SCNN1B: variants seen among roughly 807,000 people sequenced by gnomAD.
The protein encoded by SCNN1B is sodium channel epithelial 1 subunit beta, also known as epithelial sodium channel subunit beta.
Under a neutral mutation model 65.3 loss-of-function variants are expected in SCNN1B, and 46 were observed. The observed-to-expected ratio is 0.70, with a 90% CI of 0.56 to 0.90. The LOEUF is 0.90. SCNN1B is among the 40% of genes least tolerant of loss of function. The pLI is 0.00. For synonymous variants in SCNN1B, 349 were observed against 330.6 expected, an observed-to-expected ratio of 1.06 and a Z score of -0.60; for missense variants, 751 against 830.5, an observed-to-expected ratio of 0.90 and a Z score of 1.18.
chr16:23,290,434 A>G (rs946451175), intron 2 of SCNN1B, among the ~76,000 whole-genome samples: 2 of 152,102 alleles, frequency 1.3e-5, no homozygotes, highest in Non-Finnish European at 2.9e-5. Context: ...CAGCCTCCCG[A>G]GTAGCTGGGA....
chr16:23,317,343 T>G (rs2056897088), intron 1 of SCNN1B, among the ~76,000 whole-genome samples: 1 of 152,144 alleles, frequency 6.6e-6, no homozygotes, highest in Non-Finnish European at 1.5e-5. Flanking sequence ...ACTCAGGGTG[T>G]CTGGTTGGTA....
chr16:23,380,296 C>A lies in SCNN1B; in HGVS notation c.1543-125C>A, dbSNP rs1248411687. ...ATCCCTAAGACAGTCCCAAGTTATT[C>A]CCCTGGGCCAAGATGGTCACCCCCT... is the stretch of plus-strand genomic sequence containing the variant. On this transcript the variant is annotated intron_variant, in intron 12 of 12. Coordinates refer to ENST00000343070, the MANE Select transcript of SCNN1B (RefSeq NM_000336.3). The surrounding 1 kb of genome is among the most constrained non-coding windows in gnomAD (Gnocchi z 5.4). 6.6e-7 allele frequency: 1 copy of A among 1,519,306 alleles called. No individual in the cohort carries two copies. Among genetic ancestry groups the A allele is most frequent in the Non-Finnish European group, 9.1e-7 (1 of 1,096,738 alleles). The allele number at this position is 1,519,306 out of a possible 1,614,324, so 94.1% of individuals were successfully genotyped here.
At chr16:23,364,369 A>G (rs1596875692) in intron 4 of SCNN1B, among the ~76,000 whole-genome samples, 1 of 152,314 alleles carries the variant, frequency 6.6e-6, no homozygotes, top group Non-Finnish European at 1.5e-5. Context: ...TGGTTAGAGA[A>G]TATTCCAGGC....
chr16:23,360,591 G>GTGGT (rs1962529166), intron 4 of SCNN1B, among the ~76,000 whole-genome samples: 1 of 95,262 alleles, frequency 1.0e-5, no homozygotes, highest in African/African-American at 4.1e-5. Context: ...GGTGGTGGTG[G>GTGGT]TTTTTTTTTT....
At chr16:23,343,205 A>G (rs1334101696) in intron 1 of SCNN1B, among the ~76,000 whole-genome samples, 3 of 152,158 alleles carry the variant, frequency 2.0e-5, no homozygotes, top group African/African-American at 7.2e-5. Context: ...CTGTAATCCC[A>G]GCGCTTTGGG....
chr16:23,303,962 T>G, intron 1 of SCNN1B: 1 of 885,732 alleles, frequency 1.1e-6, no homozygotes. Context: ...CCCACCTATG[T>G]CATTCTGCAA....
In SCNN1B at chr16:23,348,855, G is replaced by A. The variant is rs781393829; in HGVS notation, c.256G>A (p.Gly86Ser). Residue 86 changes from glycine (G) to serine (S), a missense_variant, in exon 2 of 13, where the codon GGC (glycine) becomes AGC (serine). Physicochemically the swap from Gly to Ser is moderately conservative, Grantham distance 56. Coordinates refer to ENST00000343070, the MANE Select transcript of SCNN1B (RefSeq NM_000336.3). The surrounding 1 kb of genome is among the most constrained non-coding windows in gnomAD (Gnocchi z 4.5). ...GGAGGTCAGCGTCTCCCTCTCCGTA[G>A]GCTTCAAGACCATGGACTTCCCTGC... ...SWEVSVSLSV[G>S]FKTMDFPAVT... The A allele has an allele frequency of 6.2e-7, 1 of 1,614,036 alleles. No homozygotes were observed. The highest frequency in any genetic ancestry group is 2.2e-5 in the East Asian group (1 of 44,870).
chr16:23,359,634 C>T (rs536976168), intron 4 of SCNN1B, among the ~76,000 whole-genome samples: 2 of 152,252 alleles, frequency 1.3e-5, no homozygotes, highest in East Asian at 1.9e-4. Flanking sequence ...ATCCTGTCCC[C>T]CTCCTAACAT....
At chr16:23,352,088 A>G (rs576744607) in intron 2 of SCNN1B, among the ~76,000 whole-genome samples, 4 of 152,246 alleles carry the variant, frequency 2.6e-5, no homozygotes, top group Non-Finnish European at 4.4e-5. Flanking sequence ...ATGGTAAGCT[A>G]TCAATAACCA....
rs1277304359 is a variant in SCNN1B, at chr16:23,337,598, G to A, written c.-8-10994G>A. On this transcript the variant is annotated intron_variant, in intron 1 of 12. Transcript: ENST00000343070. ...TCACCATGTTGACCAGGCTGGTCTC[G>A]AATTCCTGACCTCAGGTGATCCACT... is the stretch of plus-strand genomic sequence containing the variant. Among the ~76,000 whole-genome samples the A allele has an allele frequency of 5.9e-5, 9 of 151,756 alleles. 1 individual carries two copies. Among genetic ancestry groups the A allele is most frequent in the Admixed American group, 2.6e-4 (4 of 15,222 alleles).
intron 5 of SCNN1B, among the ~76,000 whole-genome samples, chr16:23,368,322 CA>C (rs1227626689): frequency 1.3e-5 from 2 of 152,048 alleles, no homozygotes; most frequent in African/African-American, 2.4e-5. Context: ...GAGGATTGTT[CA>C]AGCCCAAGAG....
chr16:23,317,561 T>C (rs751017580), intron 1 of SCNN1B, among the ~76,000 whole-genome samples: 2 of 151,998 alleles, frequency 1.3e-5, no homozygotes, highest in Non-Finnish European at 2.9e-5. Flanking sequence ...GCCAATCCGG[T>C]CTGAGAGAGA....
intron 1 of SCNN1B, among the ~76,000 whole-genome samples, chr16:23,324,656 G>A (rs1242533698): frequency 6.6e-6 from 1 of 151,956 alleles, no homozygotes; most frequent in Non-Finnish European, 1.5e-5. Context: ...ATTCCCAATG[G>A]AACAACCACC....
chr16:23,339,424 TA>T lies in SCNN1B; in HGVS notation c.-8-9165del, dbSNP rs762962558. Among the ~76,000 whole-genome samples the T allele has an allele frequency of 5.6e-5, 8 of 141,664 alleles. No individual in the cohort carries two copies. In the East Asian group the frequency reaches 6.2e-4, roughly 11 times the overall value. 92.9% of individuals were successfully genotyped at this position (141,664 alleles called of 152,430 possible). ...AACTGTTCATTTAACTTTTTTTTTT[TA>T]AATATAGAGACAGGGTCTTACTATG... On this transcript the variant is annotated intron_variant, in intron 1 of 12. Coordinates refer to ENST00000343070, the MANE Select transcript of SCNN1B (RefSeq NM_000336.3).
upstream of SCNN1B, among the ~76,000 whole-genome samples, chr16:23,300,712 A>C (rs1179720703): frequency 6.6e-6 from 1 of 152,142 alleles, no homozygotes; most frequent in Non-Finnish European, 1.5e-5. Flanking sequence ...GCAGTGGCAC[A>C]CACACCTTGT....
chr16:23,374,268 G>GAAAAAAAAAAAAA (rs1223701346), intron 7 of SCNN1B, among the ~76,000 whole-genome samples: 2 of 60,456 alleles, frequency 3.3e-5, no homozygotes, highest in African/African-American at 1.1e-4. Context: ...CCTGTCTCAG[G>GAAAAAAAAAAAAA]AAAAAAAAAA....
intron 1 of SCNN1B, among the ~76,000 whole-genome samples, chr16:23,318,791 G>A (rs142974785): frequency 5.4e-4 from 82 of 152,294 alleles, no homozygotes; most frequent in African/African-American, 1.6e-3. Context: ...AAGGTGGGGC[G>A]CAGAGTCACC....
chr16:23,340,353 A>C (rs1293468604), intron 1 of SCNN1B, among the ~76,000 whole-genome samples: 3 of 152,150 alleles, frequency 2.0e-5, no homozygotes, highest in African/African-American at 7.2e-5. Flanking sequence ...CTATCTGAAG[A>C]TCTTTGCATA....
intron 6 of SCNN1B, 28 bp downstream of exon 6, chr16:23,371,490 A>T (rs376946526): frequency 2.5e-6 from 4 of 1,610,740 alleles, no homozygotes. Context: ...GGGCAGTCCT[A>T]GAGGGTCTGA....
Sources: gnomAD v4.1 joint callset for allele counts (sites outside exome capture counted in the v4.1 genomes callset) on GRCh38, gnomAD v4.1.1 for gene constraint, Gnocchi (gnomAD v3.1) non-coding constraint, MANE v1.5 for transcripts, NCBI Gene and HGNC (gene_info 2026-07-23, HGNC 2026-07-21) for gene names.